Variants in CRACDL observed in about 807,000 individuals in gnomAD.
The protein encoded by CRACDL is CRACD like, also known as CRACD-like protein.
In CRACDL, 26 loss-of-function variants were observed where a neutral mutation model predicts 70.6. The observed-to-expected ratio is 0.37, with a 90% CI of 0.27 to 0.51. The LOEUF (loss-of-function observed/expected upper bound fraction) is 0.51, where lower values mean the gene tolerates loss of function less well. CRACDL is among the 20% of genes least tolerant of loss of function. The probability of loss-of-function intolerance (pLI) is 0.94; values close to 1 mark genes in which losing one functional copy is unlikely to be tolerated. For synonymous variants in CRACDL, 618 were observed against 615.2 expected (o/e 1.00, Z -0.07); for missense variants, 1,283 against 1,376.9 (o/e 0.93, Z 1.08).
At chr2:98,864,822 C>G (rs1707071894) in intron 1 of CRACDL, among the ~76,000 whole-genome samples, 1 of 152,210 alleles carries the variant, frequency 6.6e-6, no homozygotes, top group South Asian at 2.1e-4. Flanking sequence ...GCTGGGATTA[C>G]AGGCATGAAC....
chr2:98,810,809 G>T (rs1303591096), intron 7 of CRACDL, among the ~76,000 whole-genome samples: 1 of 152,078 alleles, frequency 6.6e-6, no homozygotes, highest in Non-Finnish European at 1.5e-5. Context: ...TAAATACATA[G>T]GGATTAAAAT....
chr2:98,909,663 AC>A (rs1210554491), intron 1 of CRACDL, among the ~76,000 whole-genome samples: 1 of 152,132 alleles, frequency 6.6e-6, no homozygotes. Context: ...GAAACCTGAC[AC>A]CCAGACCAGC....
At chr2:98,864,329 T>C (rs530390557) in intron 1 of CRACDL, among the ~76,000 whole-genome samples, 1 of 152,312 alleles carries the variant, frequency 6.6e-6, no homozygotes, top group East Asian at 1.9e-4. Context: ...TACTGCATGA[T>C]TCCACTTACA....
At position 98,823,481 on chromosome 2, in the gene CRACDL, G is replaced by A; in HGVS notation, c.792C>T (p.Asn264=). 2 of 1,594,724 alleles carry A rather than the reference G, an allele frequency of 1.3e-6. No individual in the cohort carries two copies. The highest frequency in any genetic ancestry group is 1.7e-6 in the Non-Finnish European group (2 of 1,178,098). ...DLTCTPEEEE[N]EEKPLLEVSP... ...TGACTTCCAAAAGTGGCTTCTCCTC[G>A]TTTTCCTCCTCCTCTGGGGTGCACG... Residue 264 remains asparagine (N), a synonymous_variant, in exon 7 of 10, where the codon AAC becomes AAT. Transcript: ENST00000397899. The surrounding 1 kb of genome is among the most constrained non-coding windows in gnomAD (Gnocchi z 4.0).
chr2:98,867,128 T>C (rs1707177697), intron 1 of CRACDL, among the ~76,000 whole-genome samples: 1 of 152,208 alleles, frequency 6.6e-6, no homozygotes, highest in Non-Finnish European at 1.5e-5. Flanking sequence ...GGGCTGCTTC[T>C]TTGCAAGAAA....
At chr2:98,835,641 A>G (rs1266630687) in intron 3 of CRACDL, among the ~76,000 whole-genome samples, 4 of 152,200 alleles carry the variant, frequency 2.6e-5, no homozygotes, top group African/African-American at 7.2e-5. Context: ...CCCACTGGCC[A>G]CTGTCAGGAG....
chr2:98,836,504 C>T (rs1303418913), intron 3 of CRACDL, among the ~76,000 whole-genome samples: 1 of 152,296 alleles, frequency 6.6e-6, no homozygotes, highest in African/African-American at 2.4e-5. Flanking sequence ...AAAAAGCACA[C>T]CGTCTCCACT....
intron 1 of CRACDL, among the ~76,000 whole-genome samples, chr2:98,896,093 G>T (rs1249983007): frequency 2.0e-5 from 3 of 152,176 alleles, no homozygotes; most frequent in Non-Finnish European, 4.4e-5. Flanking sequence ...AACCGGGAGT[G>T]GGGGGCTGTG....
At chr2:98,795,077 A>ATATATATATATATAT in intron 9 of CRACDL, among the ~76,000 whole-genome samples, 2 of 58,494 alleles carry the variant, frequency 3.4e-5, no homozygotes, top group African/African-American at 1.3e-4. Flanking sequence ...ATATATATAT[A>ATATATATATATATAT]TTTTTTTTTT....
At chr2:98,861,826 C>T (rs961302117) in intron 1 of CRACDL, among the ~76,000 whole-genome samples, 1 of 152,158 alleles carries the variant, frequency 6.6e-6, no homozygotes, top group Non-Finnish European at 1.5e-5. Context: ...ATCCACCCAT[C>T]CCCCCACTTC....
chr2:98,796,820 G>A (rs1002307180), intron 8 of CRACDL, among the ~76,000 whole-genome samples: 14 of 152,132 alleles, frequency 9.2e-5, no homozygotes, highest in African/African-American at 3.4e-4. Context: ...TAGTTGTTTG[G>A]GTTGGTGAAA....
chr2:98,892,572 C>T lies in CRACDL; in HGVS notation c.-11+43366G>A, dbSNP rs1708006773. ...GGGTGTGGCGGCAGGCACCTGTAGTCCTAGCTACTCCGGAGGCTGAGGCAG... is the reference window on the plus strand; with the variant it reads ...GGGTGTGGCGGCAGGCACCTGTAGTTCTAGCTACTCCGGAGGCTGAGGCAG... On this transcript the variant is annotated intron_variant, in intron 1 of 9. Transcript: ENST00000397899. Among the ~76,000 whole-genome samples the T allele has an allele frequency of 5.9e-5, 9 of 151,910 alleles. No homozygotes were observed. The South Asian group carries it at 1.9e-3, about 32-fold the overall frequency.
At chr2:98,932,526 G>C (rs979274383) in intron 1 of CRACDL, among the ~76,000 whole-genome samples, 15 of 152,140 alleles carry the variant, frequency 9.9e-5, no homozygotes, top group Non-Finnish European at 1.2e-4. Context: ...CTGATGATGA[G>C]GCAGCAACAG....
intron 1 of CRACDL, among the ~76,000 whole-genome samples, chr2:98,916,505 G>GTT (rs35933151): frequency 0.064 from 4,630 of 71,888 alleles, 228 homozygotes; most frequent in African/African-American, 0.21. Context: ...CAATAAAGCT[G>GTT]TTTTTTTTAA....
At chr2:98,920,099 C>A (rs1339330971) in intron 1 of CRACDL, among the ~76,000 whole-genome samples, 2 of 152,146 alleles carry the variant, frequency 1.3e-5, no homozygotes, top group African/African-American at 4.8e-5. Flanking sequence ...AAGTTATCCA[C>A]CCAGATTCTG....
intron 1 of CRACDL, among the ~76,000 whole-genome samples, chr2:98,931,497 C>T (rs1442344369): frequency 1.3e-5 from 2 of 152,142 alleles, no homozygotes; most frequent in African/African-American, 4.8e-5. Context: ...GGTTCTGGTG[C>T]TTCCCACAGA....
chr2:98,874,525 C>G (rs1707431998), intron 1 of CRACDL, among the ~76,000 whole-genome samples: 1 of 152,212 alleles, frequency 6.6e-6, no homozygotes, highest in Admixed American at 6.5e-5. Context: ...CCTGGATGCA[C>G]CCCTCCCAGT....
intron 1 of CRACDL, among the ~76,000 whole-genome samples, chr2:98,935,499 C>T (rs1225182811): frequency 6.6e-6 from 1 of 152,170 alleles, no homozygotes; most frequent in Admixed American, 6.5e-5. Context: ...GTTAAATAAA[C>T]CATCACCTAA....
chr2:98,853,557 C>T (rs929824595), intron 1 of CRACDL, among the ~76,000 whole-genome samples: 1 of 151,956 alleles, frequency 6.6e-6, no homozygotes, highest in African/African-American at 2.4e-5. Context: ...GAAAATTATA[C>T]CAGATTGAAA....
Sources: allele counts gnomAD v4.1 joint callset (sites outside exome capture counted in the v4.1 genomes callset), GRCh38; gene constraint gnomAD v4.1.1; non-coding constraint Gnocchi (gnomAD v3.1); transcripts MANE v1.5; gene names NCBI Gene and HGNC (gene_info 2026-07-23, HGNC 2026-07-21).